ZNF605: variants seen among roughly 807,000 people sequenced by gnomAD.
ZNF605 encodes zinc finger protein 605.
ZNF605 carries 9 observed loss-of-function variants against 7.9 expected under a neutral mutation model. The ratio of observed to expected loss-of-function variants is 1.14; its 90% CI spans 0.68 to 1.98. ZNF605 has a LOEUF of 1.98. Ranked by LOEUF, ZNF605 falls within the 30% of genes most tolerant of loss-of-function variation. The pLI is 0.00. For synonymous variants in ZNF605, 255 were observed against 260.1 expected, an observed-to-expected ratio of 0.98 and a Z score of 0.19; for missense variants, 673 against 762.4, an observed-to-expected ratio of 0.88 and a Z score of 1.38.
intron 3 of ZNF605, among the ~76,000 whole-genome samples, chr12:132,937,971 CATTT>C (rs111591189): frequency 0.16 from 25,004 of 151,960 alleles, 2,084 homozygotes; most frequent in Non-Finnish European, 0.19. Context: ...TATGTGATCC[CATTT>C]ATTTATTTAT....
intron 3 of ZNF605, among the ~76,000 whole-genome samples, chr12:132,939,470 C>T (rs1406956276): frequency 6.6e-6 from 1 of 152,132 alleles, no homozygotes; most frequent in Admixed American, 6.5e-5. Flanking sequence ...TTTGTGAATG[C>T]ACCAATTGAC....
At chr12:132,935,163 T>A (rs1414929245) in intron 3 of ZNF605, among the ~76,000 whole-genome samples, 1 of 152,096 alleles carries the variant, frequency 6.6e-6, no homozygotes, top group Admixed American at 6.6e-5. Flanking sequence ...AGCATTCCAG[T>A]CCCAGCAGCT....
intron 3 of ZNF605, among the ~76,000 whole-genome samples, chr12:132,940,472 A>G (rs1018540778): frequency 6.6e-6 from 1 of 152,286 alleles, no homozygotes; most frequent in Admixed American, 6.5e-5. Context: ...TGTACAGCCA[A>G]CGTACTGTGG....
intron 3 of ZNF605, among the ~76,000 whole-genome samples, chr12:132,938,369 C>A (rs956048210): frequency 1.3e-5 from 2 of 151,994 alleles, no homozygotes; most frequent in East Asian, 3.8e-4. Flanking sequence ...GGCACGATCT[C>A]GACTCACTGC....
At position 132,922,491 on chromosome 12, in the gene ZNF605, G is replaced by C. The variant is rs1593576535; in HGVS notation, c.*2882C>G. ...TACAGATAGAAAATACTGATATGTA[G>C]TGTGGGGAATCTTGAGACATTTCAG... On this transcript the variant is annotated 3_prime_UTR_variant, in exon 5 of 5. Transcript: ENST00000360187. 6.6e-6 allele frequency: 1 copy of C among 152,352 alleles called. No homozygotes were observed. Among genetic ancestry groups the C allele is most frequent in the East Asian group, 1.9e-4 (1 of 5,192 alleles). 9.4% of individuals were successfully genotyped at this position (152,352 alleles called of 1,614,324 possible). A position where few individuals can be genotyped will look rare whatever the true frequency, so the allele number is the denominator to read the frequency against.
chr12:132,936,017 C>T lies in ZNF605; in HGVS notation c.16-2862G>A, dbSNP rs200341297. On this transcript the variant is annotated intron_variant, in intron 3 of 4. Transcript: ENST00000360187. ...TGGAGCTTGCAGTGAGCCGAGATGG[C>T]GCTACTGCACTCCAGCCTGGGCGAC... Among the ~76,000 whole-genome samples, 4 of 150,266 alleles carry T rather than the reference C, an allele frequency of 2.7e-5. No homozygotes were observed. The East Asian group carries it at 5.9e-4, about 22-fold the overall frequency.
chr12:132,937,483 T>A (rs1306544873), intron 3 of ZNF605, among the ~76,000 whole-genome samples: 6 of 151,996 alleles, frequency 3.9e-5, no homozygotes, highest in African/African-American at 1.4e-4. Context: ...TATGTACTTA[T>A]TAGAAGGCTA....
chr12:132,932,665 C>A (rs1952319899), intron 4 of ZNF605: 4 of 1,265,984 alleles, frequency 3.2e-6, no homozygotes, highest in Non-Finnish European at 4.3e-6. Flanking sequence ...TCATCAAAAA[C>A]CTGAGATAAA....
chr12:132,943,927 A>G (rs1236998456), intron 3 of ZNF605, among the ~76,000 whole-genome samples: 2 of 152,238 alleles, frequency 1.3e-5, no homozygotes, highest in African/African-American at 4.8e-5. Context: ...TTAAGGGAAC[A>G]GATTAATAAT....
chr12:132,932,597 A>G (rs1373263496), intron 4 of ZNF605: 22 of 660,516 alleles, frequency 3.3e-5, no homozygotes, highest in Non-Finnish European at 5.2e-5. Context: ...AGTCAACTCT[A>G]AAGATTCAGG....
Position 132,926,801 on chromosome 12 carries a change from T to G in ZNF605, c.498A>C (p.Thr166=), listed in dbSNP as rs908083587. The G allele has an allele frequency of 2.5e-6, 4 of 1,614,040 alleles. No homozygotes were observed. The highest frequency in any genetic ancestry group is 3.4e-6 in the Non-Finnish European group (4 of 1,180,024). The change falls in exon 5 of 5, where the codon ACA becomes ACC. Residue 166 remains threonine (T), a synonymous_variant. Coordinates refer to ENST00000360187, the MANE Select transcript of ZNF605 (RefSeq NM_183238.4). The part of the protein sequence containing the change: ...PWLTANHITH[T]GVYLCMECGR... ...CACATTCCATGCATAAATAGACTCC[T>G]GTGTGTGTTATGTGATTAGCAGTGA...
At chr12:132,927,282 C>T (rs1375016306) in intron 4 of ZNF605, 120 bp from the exon 5 acceptor site, 1 of 621,770 alleles carries the variant, frequency 1.6e-6, no homozygotes, top group Non-Finnish European at 2.5e-6. Context: ...ATAATGTGTA[C>T]TTATTGGGCA....
At chr12:132,951,767 G>A (rs1952572498) in intron 1 of ZNF605, among the ~76,000 whole-genome samples, 1 of 150,928 alleles carries the variant, frequency 6.6e-6, no homozygotes, top group African/African-American at 2.4e-5. Context: ...ACATCACACA[G>A]ACAAGTACAC....
intron 3 of ZNF605, among the ~76,000 whole-genome samples, chr12:132,937,359 CAAAA>C (rs56281488): frequency 2.3e-5 from 2 of 86,782 alleles, no homozygotes; most frequent in Non-Finnish European, 2.2e-5. Context: ...AACTCTGTCT[CAAAA>C]AAAAAAAAAA....
rs1316208965 is a variant in ZNF605, at chr12:132,918,497, C to G, written c.*6876G>C. On this transcript the variant is annotated 3_prime_UTR_variant, in exon 5 of 5. Coordinates refer to ENST00000360187, the MANE Select transcript of ZNF605 (RefSeq NM_183238.4). Reference sequence around the variant, plus strand: ...CATGCAATGATGAGTGGATCAAACACTACGGCTTATACAAGATGCTCCTCA... The same window carrying G: ...CATGCAATGATGAGTGGATCAAACAGTACGGCTTATACAAGATGCTCCTCA... The G allele has an allele frequency of 6.6e-6, 1 of 152,288 alleles. No homozygotes were observed. The highest frequency in any genetic ancestry group is 1.9e-4 in the East Asian group (1 of 5,206). 9.4% of individuals were successfully genotyped at this position (152,288 alleles called of 1,614,324 possible).
At position 132,923,836 on chromosome 12, in the gene ZNF605, C is replaced by G. The variant is rs1051637610; in HGVS notation, c.*1537G>C. ...CTCCAGTTAAACATATATTACACTACTGTAATGGTTTTCCTATTCTCTTCC... is the reference window on the plus strand; with the variant it reads ...CTCCAGTTAAACATATATTACACTAGTGTAATGGTTTTCCTATTCTCTTCC... On this transcript the variant is annotated 3_prime_UTR_variant, in exon 5 of 5. Transcript: ENST00000360187. 3 of 152,178 alleles carry G rather than the reference C, an allele frequency of 2.0e-5. No homozygotes were observed. The highest frequency in any genetic ancestry group is 7.2e-5 in the African/African-American group (3 of 41,456). The allele number at this position is 152,178 out of a possible 1,614,324, so 9.4% of individuals were successfully genotyped here. A position where few individuals can be genotyped will look rare whatever the true frequency, so the allele number is the denominator to read the frequency against.
Position 132,926,971 on chromosome 12 carries a change from T to A in ZNF605, c.328A>T (p.Ile110Phe), listed in dbSNP as rs1458743622. Residue 110 changes from isoleucine to phenylalanine, a missense_variant, in exon 5 of 5, where the codon ATT becomes TTT. Physicochemically the swap from Ile to Phe is conservative, Grantham distance 21. Coordinates refer to ENST00000360187, the MANE Select transcript of ZNF605 (RefSeq NM_183238.4). The stretch of plus-strand genomic sequence containing the variant: ...TTTCTTTCACAATTATTTTTTGGAA[T>A]AAGCAAATCAAAAGGACATTTCAAA... ...KSLKCPFDLL[I>F]PKNNCERKKI... 16 of 1,611,898 alleles carry A rather than the reference T, an allele frequency of 9.9e-6. No homozygotes were observed. The highest frequency in any genetic ancestry group is 3.3e-5 in the South Asian group (3 of 90,550).
At position 132,933,116 on chromosome 12, in the gene ZNF605, C is replaced by A. The variant is rs1288322686; in HGVS notation, c.55G>T (p.Glu19Ter). 2.5e-6 allele frequency: 4 copies of A among 1,611,738 alleles called. No homozygotes were observed. Among genetic ancestry groups the A allele is most frequent in the Non-Finnish European group, 3.4e-6 (4 of 1,178,348 alleles). Residue 19 changes from glutamate (E) to a stop codon, truncating the protein, a stop_gained, in exon 4 of 5, where the codon GAA becomes TAA. Transcript: ENST00000360187. LOFTEE classifies it high-confidence loss of function. The surrounding 1 kb of genome is among the most constrained non-coding windows in gnomAD (Gnocchi z 4.4). Reference protein sequence around the residue: ...EDVAVDFTLEEWQLLNPTQKN... With the variant: ...EDVAVDFTLE The stretch of plus-strand genomic sequence containing the variant: ...TGAGTAGGATTAAGTAGCTGCCATT[C>A]CTCCAGCGTGAAATCCACAGCCACA...
Position 132,926,954 on chromosome 12 carries a change from A to G in ZNF605, c.345T>C (p.Cys115=). Residue 115 remains cysteine (C), a synonymous_variant, in exon 5 of 5, where the codon TGT becomes TGC. Transcript: ENST00000360187. ...TGAGTTCATCAATTTTCTTTCTTTC[A>G]CAATTATTTTTTGGAATAAGCAAAT... is the stretch of plus-strand genomic sequence containing the variant. ...PFDLLIPKNN[C]ERKKIDELNK... The G allele has an allele frequency of 6.2e-7, 1 of 1,610,556 alleles. No homozygotes were observed. The highest frequency in any genetic ancestry group is 1.1e-5 in the South Asian group (1 of 90,086).
Sources: allele counts gnomAD v4.1 joint callset (sites outside exome capture counted in the v4.1 genomes callset), GRCh38; gene constraint gnomAD v4.1.1; non-coding constraint Gnocchi (gnomAD v3.1); transcripts MANE v1.5; gene names NCBI Gene and HGNC (gene_info 2026-07-23, HGNC 2026-07-21).